Variants in AQR observed in about 807,000 individuals in gnomAD.
AQR encodes the protein aquarius intron-binding spliceosomal factor, also known as RNA helicase aquarius.
A neutral mutation model predicts 180.5 loss-of-function variants in AQR; 61 were observed. The ratio of observed to expected loss-of-function variants is 0.34; its 90% CI spans 0.28 to 0.42. AQR has a LOEUF of 0.42. Among genes scored for constraint, AQR ranks in the 10% least tolerant of loss-of-function variants. AQR has a pLI of 1.00. For synonymous variants in AQR, 551 were observed against 588.8 expected, an observed-to-expected ratio of 0.94 and a Z score of 0.93; for missense variants, 1,281 against 1,798.3, an observed-to-expected ratio of 0.71 and a Z score of 5.20.
At chr15:34,936,878 A>C (rs1294718340) in intron 9 of AQR, among the ~76,000 whole-genome samples, 1 of 152,158 alleles carries the variant, frequency 6.6e-6, no homozygotes, top group African/African-American at 2.4e-5. Context: ...TTTTTATTAC[A>C]GACATTAGTT....
At chr15:34,870,956 T>C (rs564104884) in intron 30 of AQR, 34 bp from the exon 31 acceptor site, 4 of 1,578,008 alleles carry the variant, frequency 2.5e-6, no homozygotes, top group South Asian at 2.3e-5. Context: ...TGTGCATTCA[T>C]TTGCTTTTGT....
intron 19 of AQR, among the ~76,000 whole-genome samples, chr15:34,901,817 A>G (rs555918999): frequency 3.2e-4 from 48 of 152,296 alleles, no homozygotes; most frequent in African/African-American, 1.1e-3. Context: ...CTAAAATATA[A>G]TTCCCACAAG....
At chr15:34,907,402 T>C (rs1893434691) in intron 17 of AQR, among the ~76,000 whole-genome samples, 1 of 152,222 alleles carries the variant, frequency 6.6e-6, no homozygotes, top group Non-Finnish European at 1.5e-5. Context: ...ACAAGGATTA[T>C]AAAATTAGAC....
At position 34,930,810 on chromosome 15, in the gene AQR, C is replaced by T. The variant is rs975235947; in HGVS notation, c.901-439G>A. On this transcript the variant is annotated intron_variant, in intron 11 of 34. Transcript: ENST00000156471. Reference sequence around the variant, plus strand: ...TCATAATTGGAGATACTTTTTTATACGCCACTTCTTTTTTTTTTTTTTTTT... The same window carrying T: ...TCATAATTGGAGATACTTTTTTATATGCCACTTCTTTTTTTTTTTTTTTTT... 4.9e-5 allele frequency among the ~76,000 whole-genome samples: 7 copies of T among 143,448 alleles called. No homozygotes were observed. In the South Asian group the frequency reaches 1.3e-3, roughly 27 times the overall value. The allele number at this position is 143,448 out of a possible 152,430, so 94.1% of individuals were successfully genotyped here. A position where few individuals can be genotyped will look rare whatever the true frequency, so the allele number is the denominator to read the frequency against.
intron 1 of AQR, among the ~76,000 whole-genome samples, chr15:34,968,785 G>A (rs2050327072): frequency 6.6e-6 from 1 of 152,190 alleles, no homozygotes; most frequent in Non-Finnish European, 1.5e-5. Context: ...GAAATGTAGG[G>A]ACTAAGGGAA....
chr15:34,880,535 C>T (rs1330149916), intron 27 of AQR, among the ~76,000 whole-genome samples: 3 of 151,610 alleles, frequency 2.0e-5, no homozygotes, highest in East Asian at 1.9e-4. Flanking sequence ...ACTAAACAAA[C>T]AAAAAAGGCG....
At position 34,929,494 on chromosome 15, in the gene AQR, G is replaced by C. The variant is rs1893816986; in HGVS notation, c.1014+764C>G. On this transcript the variant is annotated intron_variant, in intron 12 of 34. Transcript: ENST00000156471. The stretch of plus-strand genomic sequence containing the variant: ...TGTCAGGTTTGTCAAAGATCAGATG[G>C]TTGCAGATGTGTGGTGTTATTTCTG... Among the ~76,000 whole-genome samples, 7 of 152,256 alleles carry C rather than the reference G, an allele frequency of 4.6e-5. No homozygotes were observed. The South Asian group carries it at 1.5e-3, about 32-fold the overall frequency.
At chr15:34,937,316 C>T (rs1289957884) in intron 9 of AQR, among the ~76,000 whole-genome samples, 1 of 152,152 alleles carries the variant, frequency 6.6e-6, no homozygotes, top group Admixed American at 6.6e-5. Flanking sequence ...TGAGCCACTG[C>T]GCCCGGCCAA....
At chr15:34,926,038 G>A (rs58720902) in intron 13 of AQR, among the ~76,000 whole-genome samples, 3 of 151,894 alleles carry the variant, frequency 2.0e-5, no homozygotes, top group South Asian at 2.1e-4. Flanking sequence ...GTGGTGGCGG[G>A]CGCCTGTAGT....
intron 29 of AQR, chr15:34,874,206 A>G (rs961588946): frequency 2.2e-6 from 1 of 453,376 alleles, no homozygotes; most frequent in East Asian, 3.6e-5. Flanking sequence ...TACTACAAAA[A>G]TGAGAGTTCT....
intron 18 of AQR, among the ~76,000 whole-genome samples, chr15:34,905,531 C>A (rs1893398082): frequency 6.6e-6 from 1 of 151,978 alleles, no homozygotes; most frequent in African/African-American, 2.4e-5. Context: ...TGTTTAGCAT[C>A]CTTGGCTCAC....
At chr15:34,921,790 G>A (rs528310737) in intron 13 of AQR, among the ~76,000 whole-genome samples, 1 of 152,090 alleles carries the variant, frequency 6.6e-6, no homozygotes, top group South Asian at 2.1e-4. Flanking sequence ...CAAATAAATG[G>A]AATCACACAT....
At position 34,876,683 on chromosome 15, in the gene AQR, GA is replaced by G. The variant is rs1400193063; in HGVS notation, c.3166-678del. ...AAATCCTTCACACCACTGTTTAAGTGAAAAAAATCCCTCAATATTGCCAGCA... is the reference window on the plus strand; with the variant it reads ...AAATCCTTCACACCACTGTTTAAGTGAAAAAATCCCTCAATATTGCCAGCA... On this transcript the variant is annotated intron_variant, in intron 27 of 34. Coordinates refer to ENST00000156471, the MANE Select transcript of AQR (RefSeq NM_014691.3). 5.3e-5 allele frequency among the ~76,000 whole-genome samples: 8 copies of G among 152,026 alleles called. No individual in the cohort carries two copies. The East Asian group carries it at 1.5e-3, about 29-fold the overall frequency.
Position 34,857,247 on chromosome 15 carries a change from G to A in AQR, c.4144-141C>T, listed in dbSNP as rs1892599687. The A allele has an allele frequency of 1.9e-5, 14 of 730,146 alleles. No homozygotes were observed. The South Asian group carries it at 2.6e-4, about 13-fold the overall frequency. The allele number at this position is 730,146 out of a possible 1,614,324, so 45.2% of individuals were successfully genotyped here. On this transcript the variant is annotated intron_variant, in intron 34 of 34. Coordinates refer to ENST00000156471, the MANE Select transcript of AQR (RefSeq NM_014691.3). Reference sequence around the variant, plus strand: ...AGATGTAACACCTCTGATGACAATGGTCTAGGTTCTGCTAACACCAAGGAA... The same window carrying A: ...AGATGTAACACCTCTGATGACAATGATCTAGGTTCTGCTAACACCAAGGAA...
intron 16 of AQR, among the ~76,000 whole-genome samples, chr15:34,914,506 T>C (rs1030669779): frequency 3.3e-5 from 5 of 152,136 alleles, no homozygotes; most frequent in African/African-American, 1.2e-4. Flanking sequence ...ACAGAATCTA[T>C]GGGTAGAGAG....
rs1278888216 is a variant in AQR at position 34,895,176 on chromosome 15, A to AT, written c.2461-1404_2461-1403insA. Among the ~76,000 whole-genome samples, 5 of 55,372 alleles carry AT rather than the reference A, an allele frequency of 9.0e-5. No homozygotes were observed. The South Asian group carries it at 2.7e-3, about 30-fold the overall frequency. 36.3% of individuals were successfully genotyped at this position (55,372 alleles called of 152,430 possible). A position where few individuals can be genotyped will look rare whatever the true frequency, so the allele number is the denominator to read the frequency against. ...GACTGTCTCAAAAAAAAAAAAAAAA[A>AT]AAAAAAAAAAAATATATATATATAT... On this transcript the variant is annotated intron_variant, in intron 22 of 34. Coordinates refer to ENST00000156471, the MANE Select transcript of AQR (RefSeq NM_014691.3).
chr15:34,960,559 C>A (rs562346734), intron 3 of AQR, among the ~76,000 whole-genome samples: 2 of 151,928 alleles, frequency 1.3e-5, no homozygotes, highest in Admixed American at 1.3e-4. Flanking sequence ...CCAAATAAAC[C>A]CTATGGGATT....
In AQR at chr15:34,853,277, T is replaced by C. The variant is rs1020598701; in HGVS notation, c.*3515A>G. 28 of 151,802 alleles carry C rather than the reference T, an allele frequency of 1.8e-4. No homozygotes were observed. The highest frequency in any genetic ancestry group is 6.3e-4 in the African/African-American group (26 of 41,246). 9.4% of individuals were successfully genotyped at this position (151,802 alleles called of 1,614,324 possible). A position where few individuals can be genotyped will look rare whatever the true frequency, so the allele number is the denominator to read the frequency against. On this transcript the variant is annotated 3_prime_UTR_variant, in exon 35 of 35. Coordinates refer to ENST00000156471, the MANE Select transcript of AQR (RefSeq NM_014691.3). ...TTTTTTTAACTTTATCTTGTTTTGA[T>C]TGAAGAAACATCTCTAAAAATACCA... is the stretch of plus-strand genomic sequence containing the variant.
At chr15:34,954,407 G>T (rs1421051814) in intron 3 of AQR, among the ~76,000 whole-genome samples, 1 of 152,022 alleles carries the variant, frequency 6.6e-6, no homozygotes, top group African/African-American at 2.4e-5. Context: ...CCAGGCTCAA[G>T]CAATCCTCCC....
Sources: allele counts gnomAD v4.1 joint callset (sites outside exome capture counted in the v4.1 genomes callset), GRCh38; gene constraint gnomAD v4.1.1; transcripts MANE v1.5; gene names NCBI Gene and HGNC (gene_info 2026-07-23, HGNC 2026-07-21).